Variants in SYN3 observed in about 807,000 individuals in gnomAD.
SYN3 encodes synapsin III, also known as synapsin-3.
Under a neutral mutation model 65.8 loss-of-function variants are expected in SYN3, and 35 were observed. That is an observed-to-expected ratio of 0.53 (90% CI 0.41 to 0.70). SYN3 has a LOEUF of 0.70. SYN3 is among the 30% of genes least tolerant of loss of function. The pLI is 0.00. For missense variants in SYN3, 680 were observed against 749.0 expected (o/e 0.91, Z 1.08); for synonymous variants, 270 against 292.9 (o/e 0.92, Z 0.80).
chr22:32,881,540 G>A (rs2049137267), intron 4 of SYN3, among the ~76,000 whole-genome samples: 1 of 152,114 alleles, frequency 6.6e-6, no homozygotes, highest in Non-Finnish European at 1.5e-5. Context: ...GCTCCTGCCT[G>A]GGCCACAGCC....
intron 6 of SYN3, among the ~76,000 whole-genome samples, chr22:32,855,678 C>A (rs1218560646): frequency 6.6e-6 from 1 of 152,116 alleles, no homozygotes; most frequent in Non-Finnish European, 1.5e-5. Context: ...CCGGATAATT[C>A]TTTGTTCTGG....
chr22:32,570,294 C>G (rs1459996639), intron 7 of SYN3, among the ~76,000 whole-genome samples: 1 of 152,128 alleles, frequency 6.6e-6, no homozygotes, highest in East Asian at 1.9e-4. Flanking sequence ...TGGCTAGACT[C>G]CTTGTCTGTC....
In SYN3 at chr22:32,864,954, C is replaced by T. The variant is rs145564489; in HGVS notation, c.672G>A (p.Pro224=). The T allele has an allele frequency of 9.3e-6, 15 of 1,614,142 alleles. No homozygotes were observed. Among genetic ancestry groups the T allele is most frequent in the Admixed American group, 3.3e-5 (2 of 60,022 alleles). Reference sequence around the variant, plus strand: ...TGGGGAAAAATGTTTGCTCCACAAGCGGGAACTTCTCAGGACCCAGGGAAT... The same window carrying T: ...TGGGGAAAAATGTTTGCTCCACAAGTGGGAACTTCTCAGGACCCAGGGAAT... ...IFHSLGPEKF[P]LVEQTFFPNH... The change falls in exon 6 of 14, where the codon CCG becomes CCA. Residue 224 remains proline (P), a synonymous_variant. Coordinates refer to ENST00000358763, the MANE Select transcript of SYN3 (RefSeq NM_003490.4).
chr22:32,722,089 A>G (rs1330092060), intron 6 of SYN3, among the ~76,000 whole-genome samples: 1 of 152,070 alleles, frequency 6.6e-6, no homozygotes, highest in Non-Finnish European at 1.5e-5. Flanking sequence ...AGACGGTTCA[A>G]TGCATCTCGA....
intron 6 of SYN3, among the ~76,000 whole-genome samples, chr22:32,800,567 G>A (rs1357448463): frequency 6.6e-6 from 1 of 152,200 alleles, no homozygotes. Flanking sequence ...GAATCAAGAT[G>A]TCAATAATAA....
intron 7 of SYN3, among the ~76,000 whole-genome samples, chr22:32,593,180 A>G (rs1169147700): frequency 2.0e-5 from 3 of 152,086 alleles, no homozygotes; most frequent in African/African-American, 2.4e-5. Flanking sequence ...CATTCCAAAC[A>G]TAAGGAGAAA....
chr22:33,057,974 C>G (rs2054280322), intron 1 of SYN3: 1 of 152,386 alleles, frequency 6.6e-6, no homozygotes, highest in Non-Finnish European at 1.5e-5. Context: ...GGGCCGGGCG[C>G]TGGGTGGAGG....
intron 3 of SYN3, among the ~76,000 whole-genome samples, chr22:32,934,465 T>G (rs1363259939): frequency 1.3e-5 from 2 of 152,158 alleles, no homozygotes; most frequent in Non-Finnish European, 2.9e-5. Flanking sequence ...ACTGCCTGGG[T>G]TGCAAGGTAG....
chr22:32,707,306 C>T (rs1321485830), intron 6 of SYN3, among the ~76,000 whole-genome samples: 1 of 152,196 alleles, frequency 6.6e-6, no homozygotes, highest in African/African-American at 2.4e-5. Flanking sequence ...TAATAAGGGA[C>T]TCATGTTAGT....
intron 6 of SYN3, among the ~76,000 whole-genome samples, chr22:32,730,821 C>T (rs1457570218): frequency 6.6e-6 from 1 of 152,166 alleles, no homozygotes; most frequent in East Asian, 1.9e-4. Flanking sequence ...TGCCACTCTC[C>T]CTTTTGCCAT....
At chr22:32,787,272 T>A (rs2046219285) in intron 6 of SYN3, among the ~76,000 whole-genome samples, 3 of 152,118 alleles carry the variant, frequency 2.0e-5, no homozygotes, top group African/African-American at 7.2e-5. Flanking sequence ...GGTCTCAAAT[T>A]CCTGACCTCA....
At chr22:33,005,074 T>C (rs1270326752) in intron 2 of SYN3, among the ~76,000 whole-genome samples, 1 of 152,206 alleles carries the variant, frequency 6.6e-6, no homozygotes, top group Non-Finnish European at 1.5e-5. Context: ...TGCCACCCTA[T>C]GAAGAGGTGC....
chr22:32,574,008 G>A (rs2058817600), intron 7 of SYN3, among the ~76,000 whole-genome samples: 1 of 150,848 alleles, frequency 6.6e-6, no homozygotes, highest in African/African-American at 2.4e-5. Flanking sequence ...GAACTCCTGA[G>A]CTCAGGCAAT....
chr22:32,850,780 C>T (rs1271155932), intron 6 of SYN3, among the ~76,000 whole-genome samples: 8 of 152,138 alleles, frequency 5.3e-5, no homozygotes, highest in Non-Finnish European at 1.0e-4. Context: ...CTGTCTAATA[C>T]GGGCATGAGG....
intron 7 of SYN3, among the ~76,000 whole-genome samples, chr22:32,585,849 C>A (rs1447820286): frequency 6.6e-6 from 1 of 151,032 alleles, no homozygotes; most frequent in Non-Finnish European, 1.5e-5. Flanking sequence ...GCATGTGTGT[C>A]TTTTATATGT....
At chr22:33,013,166 T>C (rs2053391015) in intron 1 of SYN3, among the ~76,000 whole-genome samples, 1 of 152,156 alleles carries the variant, frequency 6.6e-6, no homozygotes, top group African/African-American at 2.4e-5. Flanking sequence ...TCCCTGACTT[T>C]GAAAAAAAAT....
intron 6 of SYN3, among the ~76,000 whole-genome samples, chr22:32,610,042 GGAGGCC>G (rs971244857): frequency 6.6e-6 from 1 of 152,118 alleles, no homozygotes; most frequent in Non-Finnish European, 1.5e-5. Context: ...CAGCACTTTG[GGAGGCC>G]GAGGCAGGCA....
At chr22:32,646,770 A>G (rs1000144870) in intron 6 of SYN3, among the ~76,000 whole-genome samples, 1 of 152,220 alleles carries the variant, frequency 6.6e-6, no homozygotes, top group Non-Finnish European at 1.5e-5. Flanking sequence ...GAAACAGTGG[A>G]AAGAATGGAG....
At chr22:32,744,484 G>A (rs2044866121) in intron 6 of SYN3, among the ~76,000 whole-genome samples, 1 of 152,174 alleles carries the variant, frequency 6.6e-6, no homozygotes, top group South Asian at 2.1e-4. Context: ...ATAGCTAAAT[G>A]TCACCATTCC....
Sources: allele counts gnomAD v4.1 joint callset (sites outside exome capture counted in the v4.1 genomes callset), GRCh38; gene constraint gnomAD v4.1.1; transcripts MANE v1.5; gene names NCBI Gene and HGNC (gene_info 2026-07-23, HGNC 2026-07-21).